Variants in RAB11FIP3 observed in about 807,000 individuals in gnomAD.
The protein encoded by RAB11FIP3 is RAB11 family interacting protein 3, also known as rab11 family-interacting protein 3.
RAB11FIP3 carries 17 observed loss-of-function variants against 77.8 expected under a neutral mutation model. The ratio of observed to expected loss-of-function variants is 0.22; its 90% CI spans 0.15 to 0.33. RAB11FIP3 has a LOEUF of 0.33. RAB11FIP3 is among the 10% of genes least tolerant of loss of function. RAB11FIP3 has a pLI of 1.00. For missense variants in RAB11FIP3, 1,005 were observed against 1,011.2 expected (o/e 0.99, Z 0.08); for synonymous variants, 437 against 448.2 (o/e 0.98, Z 0.31).
intron 10 of RAB11FIP3, among the ~76,000 whole-genome samples, chr16:519,339 C>G (rs1567121808): frequency 6.6e-6 from 1 of 152,246 alleles, no homozygotes; most frequent in Non-Finnish European, 1.5e-5. Flanking sequence ...ATGGGGCTCC[C>G]ACACCCCAGC....
At chr16:439,441 T>G (rs1474219410) in intron 1 of RAB11FIP3, 1 of 152,224 alleles carries the variant, frequency 6.6e-6, no homozygotes, top group Non-Finnish European at 1.5e-5. Flanking sequence ...TACCATCTTG[T>G]GATATTCTTG....
At chr16:466,667 G>A (rs928178913) in intron 2 of RAB11FIP3, among the ~76,000 whole-genome samples, 2 of 152,304 alleles carry the variant, frequency 1.3e-5, no homozygotes, top group Non-Finnish European at 2.9e-5. Context: ...GAGAGTGATC[G>A]TCCAAGGACA....
At chr16:451,825 ACT>A (rs956948466) in intron 1 of RAB11FIP3, among the ~76,000 whole-genome samples, 4 of 149,318 alleles carry the variant, frequency 2.7e-5, no homozygotes, top group Non-Finnish European at 3.0e-5. Context: ...ACAGAGCAAG[ACT>A]CTCTCTCAAA....
At chr16:457,104 G>T (rs2055516863) in intron 1 of RAB11FIP3, among the ~76,000 whole-genome samples, 2 of 152,270 alleles carry the variant, frequency 1.3e-5, no homozygotes, top group South Asian at 4.1e-4. Flanking sequence ...ATTCAAGTAT[G>T]ATAGTAACAA....
Position 506,753 on chromosome 16 carries a change from TGTGGA to T in RAB11FIP3, c.1499+1130_1499+1134del. Among the ~76,000 whole-genome samples, 1 of 152,354 alleles carries T rather than the reference TGTGGA, an allele frequency of 6.6e-6. No individual in the cohort carries two copies. Among genetic ancestry groups the T allele is most frequent in the Non-Finnish European group, 1.5e-5 (1 of 68,032 alleles). ...TCTAACAAAGCAAAGCATGTGCTCTTGTGGAGTGAAGACCCTGGGCTTGGCGGCTG... is the reference window on the plus strand; with the variant it reads ...TCTAACAAAGCAAAGCATGTGCTCTTGTGAAGACCCTGGGCTTGGCGGCTG... On this transcript the variant is annotated intron_variant, in intron 8 of 13. Transcript: ENST00000262305. The surrounding 1 kb of genome is among the most constrained non-coding windows in gnomAD (Gnocchi z 4.5).
intron 2 of RAB11FIP3, among the ~76,000 whole-genome samples, chr16:468,066 A>T (rs1258926981): frequency 1.2e-4 from 3 of 25,302 alleles, no homozygotes; most frequent in Admixed American, 4.2e-4. Context: ...GAGGAGGTGC[A>T]GGGAAGTGAG....
chr16:487,304 G>C lies in RAB11FIP3; in HGVS notation c.1116-1547G>C, dbSNP rs375732267. Among the ~76,000 whole-genome samples the C allele has an allele frequency of 6.7e-4, 102 of 152,170 alleles. 1 individual carries two copies. Among genetic ancestry groups the C allele is most frequent in the South Asian group, 6.4e-3 (31 of 4,826 alleles). ...CGCCACCACCCCCAGGTAATTTTTT[G>C]TATTTTTAGTAGAGACAGGGTTTCA... is the stretch of plus-strand genomic sequence containing the variant. On this transcript the variant is annotated intron_variant, in intron 4 of 13. Transcript: ENST00000262305.
At position 471,080 on chromosome 16, in the gene RAB11FIP3, T is replaced by C. The variant is rs1160542109; in HGVS notation, c.809-215T>C. On this transcript the variant is annotated intron_variant, in intron 2 of 13. Transcript: ENST00000262305. The surrounding 1 kb of genome is among the most constrained non-coding windows in gnomAD (Gnocchi z 4.4). ...GAATTCTCTCCAGAAGCCTTGTTCC[T>C]GTGGGCAACGCATCTCTGACCCGTT... Among the ~76,000 whole-genome samples the C allele has an allele frequency of 6.6e-6, 1 of 152,084 alleles. No individual in the cohort carries two copies. Among genetic ancestry groups the C allele is most frequent in the Non-Finnish European group, 1.5e-5 (1 of 68,008 alleles).
intron 4 of RAB11FIP3, among the ~76,000 whole-genome samples, chr16:488,106 C>T (rs776882148): frequency 6.6e-6 from 1 of 152,172 alleles, no homozygotes; most frequent in Non-Finnish European, 1.5e-5. Flanking sequence ...TCGGGCCAGG[C>T]GTGGTGGCTC....
At chr16:486,914 C>A (rs2056165824) in intron 4 of RAB11FIP3, among the ~76,000 whole-genome samples, 1 of 152,214 alleles carries the variant, frequency 6.6e-6, no homozygotes, top group African/African-American at 2.4e-5. Flanking sequence ...TTTTCTGTCA[C>A]AGTATCTGAG....
chr16:426,752 C>T lies in RAB11FIP3; in HGVS notation c.714+32C>T, dbSNP rs2054953212. On this transcript the variant is annotated intron_variant, in intron 1 of 13. Transcript: ENST00000262305. The surrounding 1 kb of genome is among the most constrained non-coding windows in gnomAD (Gnocchi z 5.0). ...AGCGGCCCGGGCCGGGGCGTGGGAACTGGGCAGGTGCGCGCTGGCCGGCGG... is the reference window on the plus strand; with the variant it reads ...AGCGGCCCGGGCCGGGGCGTGGGAATTGGGCAGGTGCGCGCTGGCCGGCGG... 3 of 1,457,576 alleles carry T rather than the reference C, an allele frequency of 2.1e-6. No homozygotes were observed. The highest frequency in any genetic ancestry group is 2.6e-5 in the East Asian group (1 of 38,554). The allele number at this position is 1,457,576 out of a possible 1,614,324, so 90.3% of individuals were successfully genotyped here.
intron 1 of RAB11FIP3, among the ~76,000 whole-genome samples, chr16:455,762 G>A (rs2055493287): frequency 6.6e-6 from 1 of 151,984 alleles, no homozygotes; most frequent in Non-Finnish European, 1.5e-5. Flanking sequence ...CGAATTTTTT[G>A]GAATTTTTTG....
At position 505,660 on chromosome 16, in the gene RAB11FIP3, G is replaced by A. The variant is rs750269532; in HGVS notation, c.1499+33G>A. ...TGGGCCAGGAGACCCGGGCCTCTGC[G>A]TGGCGCCTCCTGTGCCCGCCTGTCA... On this transcript the variant is annotated intron_variant, in intron 8 of 13. Transcript: ENST00000262305. This position sits in a 1 kb window ranked among gnomAD's most constrained non-coding sequence, Gnocchi z 4.0. 2.1e-5 allele frequency: 32 copies of A among 1,523,202 alleles called. No homozygotes were observed. Among genetic ancestry groups the A allele is most frequent in the East Asian group, 7.1e-5 (3 of 42,476 alleles). The allele number at this position is 1,523,202 out of a possible 1,614,324, so 94.4% of individuals were successfully genotyped here. A position where few individuals can be genotyped will look rare whatever the true frequency, so the allele number is the denominator to read the frequency against.
At chr16:440,359 G>A (rs550765845) in intron 1 of RAB11FIP3, among the ~76,000 whole-genome samples, 2 of 151,886 alleles carry the variant, frequency 1.3e-5, no homozygotes, top group African/African-American at 4.8e-5. Context: ...TCCAACTCCT[G>A]AGCTCAAGTG....
At chr16:477,144 C>T (rs2055930461) in intron 3 of RAB11FIP3, among the ~76,000 whole-genome samples, 1 of 149,746 alleles carries the variant, frequency 6.7e-6, no homozygotes, top group South Asian at 2.1e-4. Flanking sequence ...ATCCCTGCTA[C>T]TTGGGAGGCT....
chr16:497,322 G>C, intron 6 of RAB11FIP3: 1 of 1,304,224 alleles, frequency 7.7e-7, no homozygotes, highest in Non-Finnish European at 1.0e-6. Context: ...TTCCTGCTGT[G>C]AAAGATGGCA....
In RAB11FIP3 at chr16:520,107, A is replaced by G; in HGVS notation, c.1861-15A>G. Reference sequence around the variant, plus strand: ...GAGCCCAGGCCCCCCGGCTCACTGCACGGTTGCCCTGCAGCTGATCGAGGA... The same window carrying G: ...GAGCCCAGGCCCCCCGGCTCACTGCGCGGTTGCCCTGCAGCTGATCGAGGA... On this transcript the variant is annotated splice_polypyrimidine_tract_variant and intron_variant, in intron 11 of 13. Coordinates refer to ENST00000262305, the MANE Select transcript of RAB11FIP3 (RefSeq NM_014700.4). 6.5e-7 allele frequency: 1 copy of G among 1,544,602 alleles called. No homozygotes were observed. Among genetic ancestry groups the G allele is most frequent in the Non-Finnish European group, 8.7e-7 (1 of 1,146,502 alleles).
rs79593558 is a variant in RAB11FIP3, at chr16:439,580, A to G, written c.714+12860A>G. On this transcript the variant is annotated intron_variant, in intron 1 of 13. Transcript: ENST00000262305. ...TGTGGACCCACAAAATCTGAGACAG[A>G]TCTCAGTTAGTTTAGAATGTTTATT... Among the ~76,000 whole-genome samples the G allele has an allele frequency of 6.0e-3, 913 of 152,296 alleles. 9 individuals are homozygous for G. Among genetic ancestry groups the G allele is most frequent in the African/African-American group, 0.021 (865 of 41,564 alleles).
intron 3 of RAB11FIP3, among the ~76,000 whole-genome samples, chr16:476,016 C>G (rs2055900799): frequency 6.6e-6 from 1 of 152,132 alleles, no homozygotes; most frequent in Admixed American, 6.5e-5. Flanking sequence ...CCACCACACC[C>G]AGCTAATTTT....
Sources: allele counts gnomAD v4.1 joint callset (sites outside exome capture counted in the v4.1 genomes callset), GRCh38; gene constraint gnomAD v4.1.1; non-coding constraint Gnocchi (gnomAD v3.1); transcripts MANE v1.5; gene names NCBI Gene and HGNC (gene_info 2026-07-23, HGNC 2026-07-21).